The following PXT1 variants were observed in gnomAD, a reference collection of about 807,000 sequenced individuals.
PXT1 encodes the protein peroxisomal testis enriched protein 1.
A neutral mutation model predicts 11.0 loss-of-function variants in PXT1; 11 were observed. The ratio of observed to expected loss-of-function variants is 1.00; its 90% CI spans 0.63 to 1.66. The LOEUF is 1.66. Ranked by LOEUF, PXT1 falls within the 40% of genes most tolerant of loss-of-function variation. PXT1 has a pLI of 0.00. For synonymous variants in PXT1, 43 were observed against 51.4 expected, an observed-to-expected ratio of 0.84 and a Z score of 0.70; for missense variants, 141 against 155.5, an observed-to-expected ratio of 0.91 and a Z score of 0.49.
intron 4 of PXT1, among the ~76,000 whole-genome samples, chr6:36,399,043 A>G (rs1328389374): frequency 1.3e-5 from 2 of 152,166 alleles, no homozygotes; most frequent in Non-Finnish European, 2.9e-5. Flanking sequence ...TTGGAATGAA[A>G]TTGGCTTATC....
At chr6:36,431,250 A>C (rs1249126562) in intron 2 of PXT1, among the ~76,000 whole-genome samples, 2 of 152,224 alleles carry the variant, frequency 1.3e-5, no homozygotes, top group Non-Finnish European at 2.9e-5. Context: ...CTGAACTCTA[A>C]ATAATTACTT....
At chr6:36,403,683 C>A (rs1774245324) in intron 3 of PXT1, among the ~76,000 whole-genome samples, 1 of 152,160 alleles carries the variant, frequency 6.6e-6, no homozygotes. Flanking sequence ...CTCTGGGCAA[C>A]ATGGCAGAAC....
intron 2 of PXT1, among the ~76,000 whole-genome samples, chr6:36,435,501 G>A (rs1029449315): frequency 1.6e-4 from 25 of 152,198 alleles, no homozygotes; most frequent in South Asian, 2.1e-4. Context: ...GTTCCAGGCC[G>A]CAGTGAGCTA....
chr6:36,437,356 A>G (rs1368234254), intron 2 of PXT1, among the ~76,000 whole-genome samples: 1 of 152,092 alleles, frequency 6.6e-6, no homozygotes, highest in African/African-American at 2.4e-5. Context: ...GACCTCCTCC[A>G]ATGCCTGTAA....
intron 3 of PXT1, among the ~76,000 whole-genome samples, chr6:36,418,441 A>G (rs1277738253): frequency 6.6e-6 from 1 of 152,204 alleles, no homozygotes; most frequent in Admixed American, 6.6e-5. Flanking sequence ...TTATTCATTC[A>G]TTCAACAAAT....
At chr6:36,399,891 A>T (rs767556457) in intron 4 of PXT1, among the ~76,000 whole-genome samples, 1 of 152,178 alleles carries the variant, frequency 6.6e-6, no homozygotes, top group Non-Finnish European at 1.5e-5. Context: ...CTTCGGGCTG[A>T]TTCAGGGAGG....
rs147103480 is a variant in PXT1 at position 36,426,214 on chromosome 6, A to T, written c.-9-123T>A. 1.1e-3 allele frequency: 726 copies of T among 643,080 alleles called. 2 individuals are homozygous for T. In the African/African-American group the frequency reaches 0.012, roughly 11 times the overall value. 39.8% of individuals were successfully genotyped at this position (643,080 alleles called of 1,614,324 possible). On this transcript the variant is annotated intron_variant, in intron 2 of 4. Coordinates refer to ENST00000454782, the MANE Select transcript of PXT1 (RefSeq NM_152990.4). ...TATTCCACATATAAGAGAGTTATGGATTGGGGTAGAAGGTGGACCAGAGTG... is the reference window on the plus strand; with the variant it reads ...TATTCCACATATAAGAGAGTTATGGTTTGGGGTAGAAGGTGGACCAGAGTG...
intron 4 of PXT1, among the ~76,000 whole-genome samples, chr6:36,399,131 T>TATTTCATTTC (rs66650581): frequency 1.4e-3 from 212 of 150,624 alleles, no homozygotes; most frequent in Non-Finnish European, 6.7e-4. Flanking sequence ...TATTTTATTT[T>TATTTCATTTC]ATTTCATTTC....
Position 36,391,546 on chromosome 6 carries a change from G to A in PXT1, c.*224C>T. On this transcript the variant is annotated 3_prime_UTR_variant, in exon 5 of 5. Transcript: ENST00000454782. ...TCCTGGGGTCCTAATTACTCCTTGG[G>A]CTTTACCGTGATGTGATCGCAGACA... The A allele has an allele frequency of 1.9e-6, 1 of 537,180 alleles. No individual in the cohort carries two copies. Among genetic ancestry groups the A allele is most frequent in the South Asian group, 2.2e-5 (1 of 45,538 alleles). The allele number at this position is 537,180 out of a possible 1,614,324, so 33.3% of individuals were successfully genotyped here.
At chr6:36,416,875 A>G (rs1483318561) in intron 3 of PXT1, among the ~76,000 whole-genome samples, 1 of 152,240 alleles carries the variant, frequency 6.6e-6, no homozygotes, top group Non-Finnish European at 1.5e-5. Flanking sequence ...AAATGTAAGA[A>G]TTAAAAAATA....
Position 36,391,295 on chromosome 6 carries a change from A to G in PXT1, c.*475T>C, listed in dbSNP as rs1330596076. 2 of 154,358 alleles carry G rather than the reference A, an allele frequency of 1.3e-5. No individual in the cohort carries two copies. The highest frequency in any genetic ancestry group is 2.9e-5 in the Non-Finnish European group (2 of 69,850). 9.6% of individuals were successfully genotyped at this position (154,358 alleles called of 1,614,324 possible). The stretch of plus-strand genomic sequence containing the variant: ...GGCAGGGAGGTGACATGTCACCGAG[A>G]AGGAGAAGCTGGCACTGCAGATCTG... On this transcript the variant is annotated 3_prime_UTR_variant, in exon 5 of 5. Coordinates refer to ENST00000454782, the MANE Select transcript of PXT1 (RefSeq NM_152990.4).
chr6:36,414,100 G>C (rs1774413978), intron 3 of PXT1, among the ~76,000 whole-genome samples: 1 of 152,310 alleles, frequency 6.6e-6, no homozygotes, highest in Middle Eastern at 3.4e-3. Context: ...CCATTTGTTA[G>C]GAAGCCTCTT....
intron 3 of PXT1, among the ~76,000 whole-genome samples, chr6:36,410,471 T>G (rs1348382667): frequency 6.7e-3 from 462 of 69,188 alleles, no homozygotes; most frequent in African/African-American, 7.6e-3. Context: ...AGGAAGGAAA[T>G]GGGAGGAAGA....
At chr6:36,421,387 G>T (rs1333746032) in intron 3 of PXT1, among the ~76,000 whole-genome samples, 1 of 152,146 alleles carries the variant, frequency 6.6e-6, no homozygotes, top group East Asian at 1.9e-4. Context: ...CTTGAGCCCA[G>T]GAGTTCGAGG....
intron 2 of PXT1, among the ~76,000 whole-genome samples, chr6:36,435,750 TAAG>T (rs957204836): frequency 6.6e-6 from 1 of 152,084 alleles, no homozygotes; most frequent in African/African-American, 2.4e-5. Context: ...AAAAATCAAT[TAAG>T]AACAAACTTG....
chr6:36,427,227 T>C (rs558442079), intron 2 of PXT1, among the ~76,000 whole-genome samples: 11 of 152,196 alleles, frequency 7.2e-5, no homozygotes, highest in Admixed American at 2.6e-4. Flanking sequence ...GGTCTTAAAC[T>C]GCTGACCTCG....
chr6:36,391,276 G>T lies in PXT1; in HGVS notation c.*494C>A, dbSNP rs189769877. On this transcript the variant is annotated 3_prime_UTR_variant, in exon 5 of 5. Coordinates refer to ENST00000454782, the MANE Select transcript of PXT1 (RefSeq NM_152990.4). The stretch of plus-strand genomic sequence containing the variant: ...GGGTTGGAGCCAGGATTGGGGCAGG[G>T]AGGTGACATGTCACCGAGAAGGAGA... 221 of 156,040 alleles carry T rather than the reference G, an allele frequency of 1.4e-3. No homozygotes were observed. Among genetic ancestry groups the T allele is most frequent in the Non-Finnish European group, 2.5e-3 (174 of 70,982 alleles). The allele number at this position is 156,040 out of a possible 1,614,324, so 9.7% of individuals were successfully genotyped here. A position where few individuals can be genotyped will look rare whatever the true frequency, so the allele number is the denominator to read the frequency against.
At chr6:36,424,124 A>G (rs80105889) in intron 3 of PXT1, among the ~76,000 whole-genome samples, 5,388 of 152,320 alleles carry the variant, frequency 0.035, 115 homozygotes, top group African/African-American at 0.057. Flanking sequence ...GTGTGAAAAC[A>G]TACTGGAAAG....
At chr6:36,401,990 T>G (rs955434226) in intron 3 of PXT1, among the ~76,000 whole-genome samples, 18 of 150,188 alleles carry the variant, frequency 1.2e-4, no homozygotes, top group African/African-American at 4.4e-4. Flanking sequence ...ATATATTTTT[T>G]AATAGACACA....
Sources: allele counts gnomAD v4.1 joint callset (sites outside exome capture counted in the v4.1 genomes callset), GRCh38; gene constraint gnomAD v4.1.1; transcripts MANE v1.5; gene names NCBI Gene and HGNC (gene_info 2026-07-23, HGNC 2026-07-21).